RTL4: variants seen among roughly 807,000 people sequenced by gnomAD.
The protein encoded by RTL4 is retrotransposon Gag-like protein 4.
A neutral mutation model predicts 5.3 loss-of-function variants in RTL4; 4 were observed. The observed-to-expected ratio is 0.75, with a 90% CI of 0.37 to 1.72. RTL4 has a LOEUF of 1.72. RTL4 is among the 40% of genes most tolerant of loss of function. RTL4 has a pLI of 0.04. For synonymous variants in RTL4, 98 were observed against 87.3 expected (o/e 1.12, Z -0.68); for missense variants, 260 against 227.1 (o/e 1.14, Z -0.93).
exon 1 of RTL4, chrX:112,455,975 T>G (rs1277930724): frequency 3.1e-5 from 10 of 323,552 alleles, no homozygotes; most frequent in Non-Finnish European, 5.5e-5. Flanking sequence ...TGGAAGCACA[T>G]TGGGAACCTT....
At chrX:112,181,519 A>C in the RTL4 span, among the ~76,000 whole-genome samples, 2 of 111,108 alleles carry the variant, frequency 1.8e-5, no homozygotes, top group African/African-American at 6.5e-5. Flanking sequence ...CATTACTGAG[A>C]CTTGAGTAGG....
At chrX:112,257,804 A>T in the RTL4 span, among the ~76,000 whole-genome samples, 17 of 108,699 alleles carry the variant, frequency 1.6e-4, no homozygotes, top group African/African-American at 5.7e-4. Context: ...GATATAATCA[A>T]CAAGTAAAAA....
the RTL4 span, among the ~76,000 whole-genome samples, chrX:112,337,985 C>G: frequency 8.9e-6 from 1 of 111,953 alleles, no homozygotes; most frequent in East Asian, 2.8e-4. Flanking sequence ...CACTTCTTCA[C>G]TGTCTTTTTA....
At chrX:112,221,746 G>T in the RTL4 span, among the ~76,000 whole-genome samples, 1 of 112,034 alleles carries the variant, frequency 8.9e-6, no homozygotes, top group Non-Finnish European at 1.9e-5. Flanking sequence ...GGAAATTCAG[G>T]GTGTTATTAC....
chrX:112,338,692 C>T, the RTL4 span, among the ~76,000 whole-genome samples: 8 of 111,493 alleles, frequency 7.2e-5, no homozygotes, highest in African/African-American at 2.6e-4. Flanking sequence ...GTGATGGAGC[C>T]AAGAATAGAA....
At chrX:112,409,720 C>T in the RTL4 span, among the ~76,000 whole-genome samples, 10 of 7,544 alleles carry the variant, frequency 1.3e-3, no homozygotes, top group Admixed American at 9.6e-3. Flanking sequence ...GGCTCCATCT[C>T]GAAAAAAAAA....
At chrX:112,200,850 A>G in the RTL4 span, among the ~76,000 whole-genome samples, 1 of 111,790 alleles carries the variant, frequency 8.9e-6, no homozygotes, top group African/African-American at 3.3e-5. Flanking sequence ...AGGCTTTTGT[A>G]TTTGTCAGGG....
the RTL4 span, among the ~76,000 whole-genome samples, chrX:112,122,578 A>G: frequency 1.8e-5 from 2 of 111,139 alleles, no homozygotes; most frequent in Non-Finnish European, 3.8e-5. Flanking sequence ...TGTACATTTT[A>G]AAATAATTAA....
the RTL4 span, among the ~76,000 whole-genome samples, chrX:112,110,298 A>T: frequency 8.9e-6 from 1 of 112,029 alleles, no homozygotes; most frequent in Non-Finnish European, 1.9e-5. Context: ...GCTGCCAAAG[A>T]GTCTATTTGG....
chrX:112,261,211 G>T, the RTL4 span, among the ~76,000 whole-genome samples: 845 of 111,371 alleles, frequency 7.6e-3, 7 homozygotes, highest in African/African-American at 0.026. Flanking sequence ...GCAGGAGAAA[G>T]AAATAAAGGG....
chrX:112,363,774 G>T, the RTL4 span, among the ~76,000 whole-genome samples: 16 of 111,020 alleles, frequency 1.4e-4, no homozygotes, highest in Non-Finnish European at 9.5e-5. Context: ...TAAATATGGT[G>T]CACTCTCCAT....
the RTL4 span, among the ~76,000 whole-genome samples, chrX:112,366,158 T>G: frequency 9.0e-6 from 1 of 111,369 alleles, no homozygotes; most frequent in African/African-American, 3.3e-5. Context: ...AAATGCACAT[T>G]AGCAGATCTG....
chrX:112,231,514 T>G, the RTL4 span, among the ~76,000 whole-genome samples: 3 of 91,452 alleles, frequency 3.3e-5, no homozygotes, highest in African/African-American at 1.3e-4. Flanking sequence ...AGGTGGGAAT[T>G]GAACAATGAG....
chrX:112,104,325 A>G, the RTL4 span, among the ~76,000 whole-genome samples: 1 of 112,323 alleles, frequency 8.9e-6, no homozygotes, highest in East Asian at 2.8e-4. Flanking sequence ...TTGATTCCAT[A>G]TTTTAGCTAT....
At chrX:112,284,865 T>G in the RTL4 span, among the ~76,000 whole-genome samples, 1 of 111,767 alleles carries the variant, frequency 8.9e-6, no homozygotes, top group African/African-American at 3.2e-5. Flanking sequence ...AGAGCCTTAA[T>G]TCTTAACTGT....
chrX:112,159,441 A>G, the RTL4 span, among the ~76,000 whole-genome samples: 1 of 111,887 alleles, frequency 8.9e-6, no homozygotes, highest in Admixed American at 9.5e-5. Context: ...TGTGACATCC[A>G]TCTTCCCAAA....
At chrX:112,356,112 G>A in the RTL4 span, among the ~76,000 whole-genome samples, 2 of 111,363 alleles carry the variant, frequency 1.8e-5, no homozygotes, top group Non-Finnish European at 3.8e-5. Context: ...GATATGCAGA[G>A]TGCTCATTGA....
the RTL4 span, among the ~76,000 whole-genome samples, chrX:112,184,534 G>C: frequency 9.0e-6 from 1 of 111,727 alleles, no homozygotes; most frequent in African/African-American, 3.3e-5. Flanking sequence ...TTTCTCCCAA[G>C]AGAAGAGAGG....
chrX:112,358,529 A>G, the RTL4 span, among the ~76,000 whole-genome samples: 2 of 111,866 alleles, frequency 1.8e-5, no homozygotes, highest in African/African-American at 6.5e-5. Context: ...AGGGGCACAT[A>G]TAACTTACAA....
Sources: allele counts gnomAD v4.1 joint callset (sites outside exome capture counted in the v4.1 genomes callset), GRCh38; gene constraint gnomAD v4.1.1; transcripts MANE v1.5; gene names NCBI Gene and HGNC (gene_info 2026-07-23, HGNC 2026-07-21).